ODF2: variants seen among roughly 807,000 people sequenced by gnomAD.
ODF2 encodes the protein outer dense fiber protein 2.
ODF2 carries 47 observed loss-of-function variants against 110.2 expected under a neutral mutation model. That is an observed-to-expected ratio of 0.43 (90% CI 0.34 to 0.54). The LOEUF (loss-of-function observed/expected upper bound fraction) is 0.54, where lower values mean the gene tolerates loss of function less well. ODF2 is among the 20% of genes least tolerant of loss of function. The pLI is 0.03. For missense variants in ODF2, 812 were observed against 1,054.5 expected (o/e 0.77, Z 3.19); for synonymous variants, 352 against 397.7 (o/e 0.89, Z 1.37).
At chr9:128,495,067 C>A (rs1300539960) in intron 17 of ODF2, among the ~76,000 whole-genome samples, 1 of 152,216 alleles carries the variant, frequency 6.6e-6, no homozygotes, top group Non-Finnish European at 1.5e-5. Flanking sequence ...AGATGCACTG[C>A]CTGAGATTCT....
At chr9:128,500,342 CTCTCCCAGTG>C in exon 21 of ODF2, 3 of 1,380,630 alleles carry the variant, frequency 2.2e-6, no homozygotes, top group African/African-American at 2.9e-5. Flanking sequence ...GGTGGTTTTC[CTCTCCCAGTG>C]AAAAAATGGG....
At chr9:128,477,357 G>A (rs1369599773) in intron 8 of ODF2, among the ~76,000 whole-genome samples, 1 of 151,662 alleles carries the variant, frequency 6.6e-6, no homozygotes, top group African/African-American at 2.4e-5. Flanking sequence ...GAGACCAGCC[G>A]GGGCAACACA....
chr9:128,456,970 C>G (rs907896239), intron 1 of ODF2: 1 of 1,242,666 alleles, frequency 8.0e-7, no homozygotes, highest in African/African-American at 1.5e-5. Context: ...CCCCGCGGCT[C>G]CCTGCGCGGT....
chr9:128,498,225 G>T (rs1042023705), intron 18 of ODF2, 188 bp from the exon 19 acceptor site: 7 of 782,356 alleles, frequency 8.9e-6, no homozygotes, highest in African/African-American at 8.9e-5. Flanking sequence ...TCTCTAACCA[G>T]TTGCTCCAGC....
rs1479524731 is a variant in ODF2, at chr9:128,497,438, AAAAAAAAAATATATATATATATAT to A, written c.2013-973_2013-950del. On this transcript the variant is annotated intron_variant, in intron 18 of 20. Transcript: ENST00000604420. ...CCGTCTCTACTAAAAAAAAAAAAAA[AAAAAAAAAATATATATATATATAT>A]ATATATATATATATATATATATATG... is the stretch of plus-strand genomic sequence containing the variant. The A allele has an allele frequency of 3.1e-4, 29 of 94,556 alleles. No homozygotes were observed. The East Asian group carries it at 5.7e-3, about 19-fold the overall frequency. The allele number at this position is 94,556 out of a possible 1,614,324, so 5.9% of individuals were successfully genotyped here.
rs1204424949 is a variant in ODF2, at chr9:128,456,269, G to A, written c.-209+14G>A. 2.6e-6 allele frequency: 4 copies of A among 1,530,458 alleles called. No individual in the cohort carries two copies. In the Admixed American group the frequency reaches 6.3e-5, roughly 24 times the overall value. The allele number at this position is 1,530,458 out of a possible 1,614,324, so 94.8% of individuals were successfully genotyped here. ...GTGTCGCTCCTGGTGAGAGGCCGCC[G>A]GCAGGCGGGATCCAGCGCCCTCCGG... is the stretch of plus-strand genomic sequence containing the variant. On this transcript the variant is annotated intron_variant, in intron 1 of 20. Transcript: ENST00000604420.
intron 20 of ODF2, 26 bp downstream of exon 20, chr9:128,499,152 A>G (rs1361925977): frequency 1.9e-6 from 3 of 1,613,720 alleles, no homozygotes; most frequent in South Asian, 2.2e-5. Flanking sequence ...GGGCCGGGCT[A>G]GGAGAGTGGG....
chr9:128,457,064 G>A (rs2131396880), intron 1 of ODF2: 1 of 1,315,008 alleles, frequency 7.6e-7, no homozygotes, highest in Non-Finnish European at 9.8e-7. Context: ...GTTTCCCCCG[G>A]TAGCCACCGG....
At chr9:128,468,822 C>G (rs1211547698) in intron 4 of ODF2, 1 of 189,090 alleles carries the variant, frequency 5.3e-6, no homozygotes. Flanking sequence ...ATGCCCAGCG[C>G]TAGCTAATTC....
At chr9:128,490,845 G>A (rs1233723910) in intron 14 of ODF2, among the ~76,000 whole-genome samples, 5 of 152,044 alleles carry the variant, frequency 3.3e-5, no homozygotes, top group Non-Finnish European at 5.9e-5. Flanking sequence ...GTGACTACTA[G>A]TTACTTTATT....
intron 1 of ODF2, chr9:128,456,831 C>G (rs573493588): frequency 1.5e-6 from 2 of 1,306,966 alleles, no homozygotes; most frequent in African/African-American, 3.1e-5. Context: ...TTTTCCCTCG[C>G]GGCGGGGCGC....
chr9:128,478,575 G>C (rs1190589064), intron 8 of ODF2, among the ~76,000 whole-genome samples: 2 of 151,662 alleles, frequency 1.3e-5, no homozygotes, highest in Admixed American at 6.6e-5. Flanking sequence ...TCCAGCCTGG[G>C]TGACAGAGTG....
intron 8 of ODF2, among the ~76,000 whole-genome samples, chr9:128,478,195 G>T (rs964044035): frequency 6.6e-6 from 1 of 152,114 alleles, no homozygotes; most frequent in Non-Finnish European, 1.5e-5. Flanking sequence ...ATAGGGTTTT[G>T]CTGTGTTGGC....
exon 19 of ODF2, chr9:128,498,483 C>T (rs775357963): frequency 6.2e-7 from 1 of 1,613,626 alleles, no homozygotes; most frequent in Non-Finnish European, 8.5e-7. Context: ...GGAGGCAATC[C>T]ACCAGTCCCA....
chr9:128,472,965 G>A, exon 7 of ODF2: 1 of 1,614,142 alleles, frequency 6.2e-7, no homozygotes, highest in Admixed American at 1.7e-5. Flanking sequence ...GTCCAAGCTG[G>A]TGGAGGCGGA....
chr9:128,457,867 T>C (rs1322784385), intron 2 of ODF2, among the ~76,000 whole-genome samples: 1 of 151,394 alleles, frequency 6.6e-6, no homozygotes, highest in Non-Finnish European at 1.5e-5. Context: ...TCTAAATGAT[T>C]AGGGAAAAAA....
At chr9:128,500,800 A>ACTT (rs1846367414), downstream of ODF2, 1 of 152,492 alleles carries the variant, frequency 6.6e-6, no homozygotes, top group East Asian at 1.9e-4. Flanking sequence ...GCCCCCAAGC[A>ACTT]CTTCACAATA....
chr9:128,472,868 T>C (rs755232318), intron 6 of ODF2, 45 bp from the exon 7 acceptor site: 5 of 1,611,150 alleles, frequency 3.1e-6, no homozygotes, highest in East Asian at 4.5e-5. Context: ...TCTCTGGGCA[T>C]GCGGGGGCCT....
chr9:128,470,832 A>G (rs530894661), intron 5 of ODF2, among the ~76,000 whole-genome samples: 2 of 152,170 alleles, frequency 1.3e-5, no homozygotes, highest in Admixed American at 1.3e-4. Flanking sequence ...TCTTCATGGC[A>G]GTTAACTGAG....
Sources: gnomAD v4.1 joint callset for allele counts (sites outside exome capture counted in the v4.1 genomes callset) on GRCh38, gnomAD v4.1.1 for gene constraint, MANE v1.5 for transcripts, NCBI Gene and HGNC (gene_info 2026-07-23, HGNC 2026-07-21) for gene names.